CNTNAP2: variants seen among roughly 807,000 people sequenced by gnomAD.
CNTNAP2 encodes contactin associated protein 2.
In CNTNAP2, 98 loss-of-function variants were observed where a neutral mutation model predicts 155.2. The ratio of observed to expected loss-of-function variants is 0.63; its 90% confidence interval spans 0.54 to 0.75. The LOEUF is 0.75. Among genes scored for constraint, CNTNAP2 ranks in the 30% least tolerant of loss-of-function variants. CNTNAP2 has a pLI of 0.00. For missense variants in CNTNAP2, 1,727 were observed against 1,688.1 expected (o/e 1.02, Z -0.40); for synonymous variants, 651 against 631.2 (o/e 1.03, Z -0.47).
chr7:146,653,124 C>A (rs536100312), intron 1 of CNTNAP2, among the ~76,000 whole-genome samples: 4 of 152,068 alleles, frequency 2.6e-5, no homozygotes, highest in Admixed American at 2.0e-4. Flanking sequence ...TGCCAGCTCA[C>A]GTTCTTTTCT....
chr7:146,549,025 AT>A (rs1230332856), intron 1 of CNTNAP2, among the ~76,000 whole-genome samples: 1 of 148,014 alleles, frequency 6.8e-6, no homozygotes, highest in Admixed American at 6.7e-5. Context: ...TTTTGAATTG[AT>A]TTTTGTATGT....
intron 16 of CNTNAP2, among the ~76,000 whole-genome samples, chr7:148,127,307 A>G (rs543123383): frequency 6.6e-6 from 1 of 152,302 alleles, no homozygotes; most frequent in East Asian, 1.9e-4. Flanking sequence ...TAAATAAATA[A>G]GATTTTAGAG....
At chr7:146,724,962 C>A (rs576750808) in intron 1 of CNTNAP2, among the ~76,000 whole-genome samples, 1 of 152,264 alleles carries the variant, frequency 6.6e-6, no homozygotes, top group South Asian at 2.1e-4. Context: ...GAAATGTATT[C>A]TCTCACAGTG....
At chr7:147,947,544 G>A (rs2116824542) in intron 14 of CNTNAP2, among the ~76,000 whole-genome samples, 1 of 151,762 alleles carries the variant, frequency 6.6e-6, no homozygotes, top group South Asian at 2.1e-4. Context: ...GGGAAGAATT[G>A]CTTAAGCCAG....
rs146662781 is a variant in CNTNAP2, at chr7:146,174,697, C to T, written c.97+57724C>T. Among the ~76,000 whole-genome samples the T allele has an allele frequency of 5.3e-3, 799 of 152,060 alleles. 6 individuals are homozygous for T. Among genetic ancestry groups the T allele is most frequent in the African/African-American group, 0.018 (756 of 41,542 alleles). ...TCTCTACTAAGAACACAGAAATTAG[C>T]TGGGTTTGGTGGTGGGCAGCTGAAA... On this transcript the variant is annotated intron_variant, in intron 1 of 23. Coordinates refer to ENST00000361727, the MANE Select transcript of CNTNAP2 (RefSeq NM_014141.6).
In CNTNAP2 at chr7:147,070,183, TA is replaced by T. The variant is rs1799863211; in HGVS notation, c.550+26132del. On this transcript the variant is annotated intron_variant, in intron 4 of 23. Coordinates refer to ENST00000361727, the MANE Select transcript of CNTNAP2 (RefSeq NM_014141.6). ...AATTTTATGTGCTTTGTTTTCACTTTAAAGAAAATATATTGTGCCTATCTAC... is the reference window on the plus strand; with the variant it reads ...AATTTTATGTGCTTTGTTTTCACTTTAAGAAAATATATTGTGCCTATCTAC... Among the ~76,000 whole-genome samples the T allele has an allele frequency of 7.2e-5, 11 of 152,322 alleles. No individual in the cohort carries two copies. In the South Asian group the frequency reaches 2.3e-3, roughly 32 times the overall value.
At chr7:147,258,422 A>G (rs373570140) in intron 8 of CNTNAP2, among the ~76,000 whole-genome samples, 4 of 152,144 alleles carry the variant, frequency 2.6e-5, no homozygotes, top group Non-Finnish European at 5.9e-5. Context: ...TAACTGGACT[A>G]TCTCCATTAA....
intron 8 of CNTNAP2, among the ~76,000 whole-genome samples, chr7:147,226,651 AGATCCTC>A (rs1769756318): frequency 6.6e-6 from 1 of 152,216 alleles, no homozygotes; most frequent in African/African-American, 2.4e-5. Context: ...AAACTGTTTT[AGATCCTC>A]CAACTCTCCT....
At chr7:148,408,260 C>T (rs996121375) in intron 22 of CNTNAP2, among the ~76,000 whole-genome samples, 8 of 151,966 alleles carry the variant, frequency 5.3e-5, no homozygotes, top group Non-Finnish European at 7.4e-5. Flanking sequence ...ACACTGCCCC[C>T]GCCCCACACA....
chr7:147,167,718 A>G (rs1328944836), intron 8 of CNTNAP2: 1 of 306,492 alleles, frequency 3.3e-6, no homozygotes, highest in Non-Finnish European at 6.0e-6. Flanking sequence ...GCTGAAGGAG[A>G]TGAGTGGGCT....
chr7:148,162,117 T>C (rs1398540064), intron 17 of CNTNAP2, among the ~76,000 whole-genome samples: 1 of 151,960 alleles, frequency 6.6e-6, no homozygotes, highest in Non-Finnish European at 1.5e-5. Context: ...AAAGACTAGA[T>C]ACAAATGTTT....
At chr7:147,802,181 C>G (rs860390) in intron 13 of CNTNAP2, among the ~76,000 whole-genome samples, 1 of 137,202 alleles carries the variant, frequency 7.3e-6, no homozygotes, top group African/African-American at 2.8e-5. Flanking sequence ...CCAGACGGGG[C>G]GGCGGGGCAG....
At chr7:147,643,601 C>T (rs1469518372) in intron 13 of CNTNAP2, 1 of 151,922 alleles carries the variant, frequency 6.6e-6, no homozygotes, top group East Asian at 1.9e-4. Context: ...TTTACTTATT[C>T]TTAACTAAGA....
chr7:147,286,414 T>C (rs1489796451), intron 8 of CNTNAP2, among the ~76,000 whole-genome samples: 2 of 152,054 alleles, frequency 1.3e-5, no homozygotes, highest in Non-Finnish European at 2.9e-5. Flanking sequence ...TACTAATATT[T>C]AATTTAAAAA....
chr7:147,621,621 A>G lies in CNTNAP2; in HGVS notation c.1898-17485A>G, dbSNP rs150256602. On this transcript the variant is annotated intron_variant, in intron 12 of 23. Coordinates refer to ENST00000361727, the MANE Select transcript of CNTNAP2 (RefSeq NM_014141.6). Reference sequence around the variant, plus strand: ...ATTTGGAAGCCCCATGGTAACCACAAACCAAAATCAAACAATGGATACACA... The same window carrying G: ...ATTTGGAAGCCCCATGGTAACCACAGACCAAAATCAAACAATGGATACACA... Among the ~76,000 whole-genome samples, 3 of 152,102 alleles carry G rather than the reference A, an allele frequency of 2.0e-5. No homozygotes were observed. In the East Asian group the frequency reaches 5.8e-4, roughly 29 times the overall value.
At chr7:146,505,094 C>T (rs544014356) in intron 1 of CNTNAP2, among the ~76,000 whole-genome samples, 2 of 152,172 alleles carry the variant, frequency 1.3e-5, no homozygotes, top group African/African-American at 2.4e-5. Context: ...TTTGTGGCAT[C>T]CCCTATCCAA....
intron 8 of CNTNAP2, among the ~76,000 whole-genome samples, chr7:147,251,365 C>A (rs1398640595): frequency 2.0e-5 from 3 of 152,110 alleles, no homozygotes; most frequent in Non-Finnish European, 4.4e-5. Flanking sequence ...GGTTTGTTAA[C>A]CCTTTTTTCC....
intron 8 of CNTNAP2, among the ~76,000 whole-genome samples, chr7:147,276,607 A>G (rs113779666): frequency 9.3e-4 from 141 of 152,056 alleles, no homozygotes; most frequent in Non-Finnish European, 1.7e-3. Context: ...TGCAGACACA[A>G]TTTCTTTCTG....
intron 21 of CNTNAP2, among the ~76,000 whole-genome samples, chr7:148,278,206 G>A (rs1014215177): frequency 6.6e-6 from 1 of 152,138 alleles, no homozygotes; most frequent in Non-Finnish European, 1.5e-5. Context: ...ATTAGGGGCC[G>A]CCAATGCCAT....
Sources: gnomAD v4.1 joint callset for allele counts (sites outside exome capture counted in the v4.1 genomes callset) on GRCh38, gnomAD v4.1.1 for gene constraint, MANE v1.5 for transcripts, NCBI Gene and HGNC (gene_info 2026-07-23, HGNC 2026-07-21) for gene names.